The following PHF20 variants were observed in gnomAD, a reference collection of about 807,000 sequenced individuals.
The protein encoded by PHF20 is PHD finger protein 20.
Under a neutral mutation model 113.5 loss-of-function variants are expected in PHF20, and 23 were observed. That is an observed-to-expected ratio of 0.20 (90% CI 0.15 to 0.29). The LOEUF (loss-of-function observed/expected upper bound fraction) is 0.29, where lower values mean the gene tolerates loss of function less well. Ranked by LOEUF, PHF20 falls within the 10% of genes least tolerant of loss-of-function variation. The pLI is 1.00. For missense variants in PHF20, 943 were observed against 1,219.6 expected, an observed-to-expected ratio of 0.77 and a Z score of 3.38; for synonymous variants, 434 against 457.3, an observed-to-expected ratio of 0.95 and a Z score of 0.65.
chr20:35,833,344 T>G (rs1400592715), intron 2 of PHF20, among the ~76,000 whole-genome samples: 1 of 152,190 alleles, frequency 6.6e-6, no homozygotes, highest in Non-Finnish European at 1.5e-5. Context: ...CAGGTTGAAT[T>G]TTAGATGAGA....
At chr20:35,828,480 C>T (rs935979222) in intron 2 of PHF20, among the ~76,000 whole-genome samples, 6 of 152,124 alleles carry the variant, frequency 3.9e-5, no homozygotes, top group African/African-American at 1.4e-4. Flanking sequence ...AGATTCCTGC[C>T]AAGCACTGTC....
At chr20:35,885,214 A>G (rs909858385) in intron 9 of PHF20, among the ~76,000 whole-genome samples, 4 of 152,134 alleles carry the variant, frequency 2.6e-5, no homozygotes, top group African/African-American at 9.7e-5. Context: ...TTCAGTGTGT[A>G]TTTCCTGAAA....
At chr20:35,902,341 A>G (rs117210424) in intron 10 of PHF20, among the ~76,000 whole-genome samples, 1,763 of 152,338 alleles carry the variant, frequency 0.012, 14 homozygotes, top group South Asian at 0.024. Context: ...ATGAGGGTAC[A>G]ACACTGGAAG....
At chr20:35,804,523 ACC>A (rs2146870938) in intron 2 of PHF20, among the ~76,000 whole-genome samples, 1 of 152,078 alleles carries the variant, frequency 6.6e-6, no homozygotes, top group East Asian at 1.9e-4. Flanking sequence ...GGCGTGAGCC[ACC>A]GCGCCCAGCC....
chr20:35,931,562 C>G, intron 15 of PHF20, 118 bp downstream of exon 15: 1 of 686,694 alleles, frequency 1.5e-6, no homozygotes. Flanking sequence ...AGTTTGAGAC[C>G]TTTACTAAAA....
intron 2 of PHF20, among the ~76,000 whole-genome samples, chr20:35,834,053 G>T (rs527469338): frequency 6.7e-6 from 1 of 149,096 alleles, no homozygotes; most frequent in South Asian, 2.2e-4. Flanking sequence ...GTGAGATTCC[G>T]TCTCAAAAAT....
At chr20:35,844,600 C>G (rs2042591346) in intron 3 of PHF20, among the ~76,000 whole-genome samples, 1 of 138,444 alleles carries the variant, frequency 7.2e-6, no homozygotes, top group African/African-American at 2.7e-5. Context: ...CAGGCTGAAA[C>G]AATAAAATAT....
chr20:35,927,524 G>A (rs769473410), intron 13 of PHF20, among the ~76,000 whole-genome samples: 11 of 152,148 alleles, frequency 7.2e-5, no homozygotes, highest in Non-Finnish European at 1.3e-4. Flanking sequence ...GATGTCACTC[G>A]TGGGACTGAG....
At chr20:35,782,274 T>G (rs1409121051) in intron 1 of PHF20, 1 of 146,576 alleles carries the variant, frequency 6.8e-6, no homozygotes, top group African/African-American at 2.5e-5. Flanking sequence ...TTTTTTTTTC[T>G]TTTTTTCTTT....
intron 14 of PHF20, among the ~76,000 whole-genome samples, chr20:35,930,767 C>CG (rs1328748813): frequency 2.0e-5 from 3 of 152,104 alleles, no homozygotes; most frequent in Non-Finnish European, 4.4e-5. Flanking sequence ...AGAAGGGATG[C>CG]GCAAGTGAAG....
At chr20:35,831,233 C>T (rs910026721) in intron 2 of PHF20, among the ~76,000 whole-genome samples, 1 of 149,580 alleles carries the variant, frequency 6.7e-6, no homozygotes, top group Non-Finnish European at 1.5e-5. Context: ...GATCATGACT[C>T]AACACAGCCT....
chr20:35,930,167 C>T (rs1600953911), intron 14 of PHF20, among the ~76,000 whole-genome samples: 2 of 152,124 alleles, frequency 1.3e-5, no homozygotes, highest in Admixed American at 6.5e-5. Flanking sequence ...AGGGAAGGGG[C>T]CTGATCATCT....
intron 9 of PHF20, among the ~76,000 whole-genome samples, chr20:35,876,478 G>A (rs949261854): frequency 6.6e-6 from 1 of 152,044 alleles, no homozygotes; most frequent in Admixed American, 6.6e-5. Context: ...GGCTGAGGCA[G>A]GAGAGTTGCT....
chr20:35,868,337 C>A (rs1247039282), intron 6 of PHF20, among the ~76,000 whole-genome samples: 1 of 151,826 alleles, frequency 6.6e-6, no homozygotes, highest in African/African-American at 2.4e-5. Flanking sequence ...AGGTGGCTCA[C>A]ACCTGTAATC....
chr20:35,859,331 G>A lies in PHF20; in HGVS notation c.420+950G>A, dbSNP rs1367574285. 2.0e-5 allele frequency among the ~76,000 whole-genome samples: 3 copies of A among 152,150 alleles called. No homozygotes were observed. The East Asian group carries it at 5.8e-4, about 29-fold the overall frequency. ...CCCCTTTTGTCTTTTTCGTGTTTAT[G>A]TTTTAATAGTTGAGGGGAAAATAGA... On this transcript the variant is annotated intron_variant, in intron 5 of 17. Coordinates refer to ENST00000374012, the MANE Select transcript of PHF20 (RefSeq NM_016436.5).
intron 9 of PHF20, among the ~76,000 whole-genome samples, chr20:35,890,293 G>A (rs1234103184): frequency 6.6e-6 from 1 of 152,186 alleles, no homozygotes; most frequent in African/African-American, 2.4e-5. Context: ...GCCTCCCAAA[G>A]TGCTGGAATT....
intron 2 of PHF20, among the ~76,000 whole-genome samples, chr20:35,803,275 GA>G (rs1301420723): frequency 1.3e-5 from 2 of 149,460 alleles, no homozygotes; most frequent in Non-Finnish European, 3.0e-5. Context: ...AAAGAAAAAA[GA>G]AAAAATAATT....
chr20:35,913,113 C>A, intron 10 of PHF20, 136 bp from the exon 11 acceptor site: 3 of 428,102 alleles, frequency 7.0e-6, no homozygotes, highest in Admixed American at 3.6e-5. Context: ...CGTGGCTCTG[C>A]CTCCAGACTG....
chr20:35,944,570 A>T (rs1274108026), intron 17 of PHF20, among the ~76,000 whole-genome samples: 1 of 151,878 alleles, frequency 6.6e-6, no homozygotes, highest in Non-Finnish European at 1.5e-5. Flanking sequence ...ATTTATTTTT[A>T]TTTTATTTTA....
Sources: allele counts gnomAD v4.1 joint callset (sites outside exome capture counted in the v4.1 genomes callset), GRCh38; gene constraint gnomAD v4.1.1; transcripts MANE v1.5; gene names NCBI Gene and HGNC (gene_info 2026-07-23, HGNC 2026-07-21).